GFRA1: variants seen among roughly 807,000 people sequenced by gnomAD.
GFRA1 encodes the protein GDNF family receptor alpha-1.
Under a neutral mutation model 51.6 loss-of-function variants are expected in GFRA1, and 16 were observed. That is an observed-to-expected ratio of 0.31 (90% CI 0.21 to 0.47). The LOEUF (loss-of-function observed/expected upper bound fraction) is 0.47. GFRA1 is among the 20% of genes least tolerant of loss of function. The pLI, the probability that GFRA1 is intolerant of heterozygous loss-of-function variation, is 1.00. For synonymous variants in GFRA1, 270 were observed against 241.3 expected, an observed-to-expected ratio of 1.12 and a Z score of -1.10; for missense variants, 530 against 594.3, an observed-to-expected ratio of 0.89 and a Z score of 1.13.
At chr10:116,161,599 T>C (rs993248531) in intron 5 of GFRA1, among the ~76,000 whole-genome samples, 1 of 152,172 alleles carries the variant, frequency 6.6e-6, no homozygotes, top group African/African-American at 2.4e-5. Flanking sequence ...ATGGGAGCAG[T>C]TTCCCCCATA....
rs2133723674 is a variant in GFRA1, at chr10:116,058,014, GTGTGTGTGTGTGTGTGTGTGTGT to G, written c.*6361_*6383del. 7.1e-6 allele frequency: 1 copy of G among 141,748 alleles called. No individual in the cohort carries two copies. Among genetic ancestry groups the G allele is most frequent in the African/African-American group, 2.8e-5 (1 of 35,178 alleles). The allele number at this position is 141,748 out of a possible 1,614,324, so 8.8% of individuals were successfully genotyped here. A position where few individuals can be genotyped will look rare whatever the true frequency, so the allele number is the denominator to read the frequency against. On this transcript the variant is annotated 3_prime_UTR_variant, in exon 11 of 11. Transcript: ENST00000355422. ...ATTGTGTGTGTGTGTGTGTGTGTGT[GTGTGTGTGTGTGTGTGTGTGTGT>G]GTGTGACAGAGAGAACCACGCTTTA... is the stretch of plus-strand genomic sequence containing the variant.
chr10:116,194,493 G>A (rs1300334711), intron 5 of GFRA1, among the ~76,000 whole-genome samples: 1 of 152,162 alleles, frequency 6.6e-6, no homozygotes, highest in African/African-American at 2.4e-5. Context: ...TATAGATTTT[G>A]TCGATATGCA....
intron 6 of GFRA1, among the ~76,000 whole-genome samples, chr10:116,124,802 A>G (rs1957785228): frequency 6.6e-6 from 1 of 152,010 alleles, no homozygotes; most frequent in South Asian, 2.1e-4. Flanking sequence ...GTCTCTTCCA[A>G]GTTTCTGCCC....
chr10:116,231,816 A>C (rs915760168), intron 4 of GFRA1, among the ~76,000 whole-genome samples: 4 of 152,224 alleles, frequency 2.6e-5, no homozygotes, highest in Admixed American at 2.6e-4. Flanking sequence ...TCACATTTGC[A>C]CAACACCTAA....
chr10:116,084,348 A>C (rs1955992514), intron 9 of GFRA1, among the ~76,000 whole-genome samples: 1 of 152,212 alleles, frequency 6.6e-6, no homozygotes, highest in African/African-American at 2.4e-5. Flanking sequence ...CCAGGATGAG[A>C]TCTGTCACAC....
At chr10:116,126,415 C>T (rs931323695) in intron 5 of GFRA1, among the ~76,000 whole-genome samples, 1 of 152,234 alleles carries the variant, frequency 6.6e-6, no homozygotes, top group East Asian at 1.9e-4. Flanking sequence ...CTGTCTGCAG[C>T]GAGAGCATGG....
chr10:116,133,120 G>T (rs191495958), intron 5 of GFRA1, among the ~76,000 whole-genome samples: 12 of 151,916 alleles, frequency 7.9e-5, no homozygotes, highest in Non-Finnish European at 1.3e-4. Context: ...AGTATTCTCA[G>T]AATGAACGCT....
intron 6 of GFRA1, among the ~76,000 whole-genome samples, chr10:116,099,046 G>A (rs940492352): frequency 2.0e-5 from 3 of 152,144 alleles, no homozygotes; most frequent in Non-Finnish European, 2.9e-5. Flanking sequence ...ACATTTCCAC[G>A]TTTTATCACA....
intron 9 of GFRA1, among the ~76,000 whole-genome samples, chr10:116,079,718 G>C (rs1388263178): frequency 6.6e-6 from 1 of 152,106 alleles, no homozygotes; most frequent in Non-Finnish European, 1.5e-5. Flanking sequence ...AATGTCAATA[G>C]TGCCAATGTC....
intron 4 of GFRA1, among the ~76,000 whole-genome samples, chr10:116,225,394 G>C (rs1456496652): frequency 6.6e-6 from 1 of 151,544 alleles, no homozygotes; most frequent in Non-Finnish European, 1.5e-5. Flanking sequence ...AATTAGCTGG[G>C]TGTGGTGGCA....
chr10:116,090,447 A>C (rs979970698), intron 8 of GFRA1, among the ~76,000 whole-genome samples: 1 of 151,382 alleles, frequency 6.6e-6, no homozygotes, highest in Non-Finnish European at 1.5e-5. Context: ...AAAAAAAAAA[A>C]AAAAAAACTA....
chr10:116,095,800 A>C (rs1956546053), intron 7 of GFRA1, among the ~76,000 whole-genome samples: 1 of 152,120 alleles, frequency 6.6e-6, no homozygotes, highest in African/African-American at 2.4e-5. Context: ...AGCCGGCAGG[A>C]ACACACACCC....
chr10:116,066,108 TACAGAC>T (rs1955099393), intron 9 of GFRA1, among the ~76,000 whole-genome samples: 1 of 152,216 alleles, frequency 6.6e-6, no homozygotes, highest in South Asian at 2.1e-4. Flanking sequence ...TTATTAGTGA[TACAGAC>T]AGAGACCTTC....
intron 5 of GFRA1, among the ~76,000 whole-genome samples, chr10:116,198,992 G>C (rs1051683696): frequency 2.6e-5 from 4 of 152,146 alleles, no homozygotes; most frequent in African/African-American, 9.7e-5. Flanking sequence ...TGTGATGATG[G>C]AGGCAGAGAT....
intron 5 of GFRA1, among the ~76,000 whole-genome samples, chr10:116,142,130 AGG>A (rs1001995845): frequency 2.9e-5 from 1 of 34,874 alleles, no homozygotes; most frequent in Non-Finnish European, 9.2e-5. Flanking sequence ...CAAGCAGTGC[AGG>A]ATTATTCATT....
chr10:116,166,372 G>T (rs776586793), intron 5 of GFRA1, among the ~76,000 whole-genome samples: 6 of 152,090 alleles, frequency 3.9e-5, no homozygotes, highest in Non-Finnish European at 5.9e-5. Context: ...AGGAGTCACC[G>T]CACTGTCTTC....
chr10:116,160,395 C>T (rs1038537355), intron 5 of GFRA1, among the ~76,000 whole-genome samples: 1 of 152,200 alleles, frequency 6.6e-6, no homozygotes, highest in East Asian at 1.9e-4. Flanking sequence ...ATAGTTATTT[C>T]GGTATATGTC....
chr10:116,186,428 C>G (rs1480540504), intron 5 of GFRA1, among the ~76,000 whole-genome samples: 2 of 152,130 alleles, frequency 1.3e-5, no homozygotes, highest in Non-Finnish European at 2.9e-5. Context: ...CACAGTTTTG[C>G]CAACAGTCAA....
At chr10:116,262,012 T>C (rs1969338021) in intron 4 of GFRA1, among the ~76,000 whole-genome samples, 1 of 152,114 alleles carries the variant, frequency 6.6e-6, no homozygotes, top group Non-Finnish European at 1.5e-5. Context: ...ATACCTCCTC[T>C]TGAGAATTTG....
Sources: gnomAD v4.1 joint callset for allele counts (sites outside exome capture counted in the v4.1 genomes callset) on GRCh38, gnomAD v4.1.1 for gene constraint, MANE v1.5 for transcripts, NCBI Gene and HGNC (gene_info 2026-07-23, HGNC 2026-07-21) for gene names.